BMPR2: variants seen among roughly 807,000 people sequenced by gnomAD.
BMPR2 encodes bone morphogenetic protein receptor type-2.
BMPR2 carries 29 observed loss-of-function variants against 100.8 expected under a neutral mutation model. The observed-to-expected ratio is 0.29, with a 90% CI of 0.21 to 0.39. BMPR2 has a LOEUF of 0.39. Ranked by LOEUF, BMPR2 falls within the 10% of genes least tolerant of loss-of-function variation. BMPR2 has a pLI of 1.00. For missense variants in BMPR2, 1,011 were observed against 1,274.5 expected, an observed-to-expected ratio of 0.79 and a Z score of 3.15; for synonymous variants, 382 against 442.3, an observed-to-expected ratio of 0.86 and a Z score of 1.71.
chr2:202,539,956 A>G (rs185227424), intron 9 of BMPR2, among the ~76,000 whole-genome samples: 30 of 152,294 alleles, frequency 2.0e-4, no homozygotes, highest in South Asian at 1.4e-3. Flanking sequence ...AGGAAATCCA[A>G]TAAGGTTATT....
At position 202,456,156 on chromosome 2, in the gene BMPR2, G is replaced by C. The variant is rs1052712458; in HGVS notation, c.77-8653G>C. On this transcript the variant is annotated intron_variant, in intron 1 of 12. Coordinates refer to ENST00000374580, the MANE Select transcript of BMPR2 (RefSeq NM_001204.7). ...CAGATCTCATCACAAAGGACACTAT[G>C]TTTTTTTGTTTGTTTGTTTGTTTTT... 2.9e-5 allele frequency among the ~76,000 whole-genome samples: 4 copies of C among 138,636 alleles called. No homozygotes were observed. The Admixed American group carries it at 3.0e-4, about 10-fold the overall frequency. The allele number at this position is 138,636 out of a possible 152,430, so 91.0% of individuals were successfully genotyped here. A position where few individuals can be genotyped will look rare whatever the true frequency, so the allele number is the denominator to read the frequency against.
intron 1 of BMPR2, among the ~76,000 whole-genome samples, chr2:202,452,250 A>G (rs771090678): frequency 4.6e-5 from 7 of 152,308 alleles, no homozygotes; most frequent in Admixed American, 2.0e-4. Context: ...AATGGAATCT[A>G]TATGCACTTG....
intron 9 of BMPR2, among the ~76,000 whole-genome samples, chr2:202,535,944 C>T (rs1264589060): frequency 4.6e-5 from 7 of 151,680 alleles, no homozygotes; most frequent in East Asian, 1.9e-4. Flanking sequence ...CGTGGCGGCG[C>T]GTGCCTGCAA....
rs147313403 is a variant in BMPR2 at position 202,430,916 on chromosome 2, G to A, written c.77-33893G>A. 2.3e-3 allele frequency among the ~76,000 whole-genome samples: 349 copies of A among 148,862 alleles called. 28 individuals carry two copies. Among genetic ancestry groups the A allele is most frequent in the African/African-American group, 8.4e-3 (326 of 38,920 alleles). On this transcript the variant is annotated intron_variant, in intron 1 of 12. Coordinates refer to ENST00000374580, the MANE Select transcript of BMPR2 (RefSeq NM_001204.7). ...GGAGGTTGCAGTGAGCTGAGATCAC[G>A]CCATTGCACTCCAGTCTGGGCAACA...
chr2:202,473,680 A>G (rs577313596), intron 3 of BMPR2, among the ~76,000 whole-genome samples: 6 of 151,910 alleles, frequency 3.9e-5, no homozygotes, highest in African/African-American at 1.2e-4. Flanking sequence ...AATCCCACCT[A>G]TTCGGGAGGC....
intron 1 of BMPR2, among the ~76,000 whole-genome samples, chr2:202,424,724 C>G (rs958968084): frequency 6.6e-6 from 1 of 151,832 alleles, no homozygotes; most frequent in African/African-American, 2.4e-5. Context: ...AAGCTGTGGA[C>G]CTAAGGAATA....
chr2:202,464,159 CAA>C (rs71406983), intron 1 of BMPR2, among the ~76,000 whole-genome samples: 26 of 62,944 alleles, frequency 4.1e-4, no homozygotes, highest in Non-Finnish European at 5.4e-4. Flanking sequence ...AACTCTGTCT[CAA>C]AAAAAAAAAA....
intron 3 of BMPR2, among the ~76,000 whole-genome samples, chr2:202,511,127 A>AC (rs987486823): frequency 4.6e-5 from 7 of 151,978 alleles, no homozygotes; most frequent in African/African-American, 1.7e-4. Flanking sequence ...CACAAGGGAA[A>AC]CCCTGTATCT....
At chr2:202,448,924 GGTGT>G (rs55680029) in intron 1 of BMPR2, among the ~76,000 whole-genome samples, 6,755 of 142,850 alleles carry the variant, frequency 0.047, 158 homozygotes, top group East Asian at 0.07. Context: ...GTTTAGAATT[GGTGT>G]GTGTGTGTGT....
chr2:202,399,848 A>G (rs546742654), intron 1 of BMPR2, among the ~76,000 whole-genome samples: 2 of 152,248 alleles, frequency 1.3e-5, no homozygotes, highest in Non-Finnish European at 2.9e-5. Context: ...TTGATGGCCA[A>G]TGCCTATAAT....
intron 1 of BMPR2, among the ~76,000 whole-genome samples, chr2:202,462,626 G>A (rs558466913): frequency 7.8e-4 from 118 of 150,678 alleles, no homozygotes; most frequent in Middle Eastern, 3.4e-3. Flanking sequence ...AAACCACCCC[G>A]TACCTTTTTT....
intron 1 of BMPR2, among the ~76,000 whole-genome samples, chr2:202,450,357 A>G (rs778059323): frequency 3.9e-4 from 60 of 152,288 alleles, no homozygotes; most frequent in South Asian, 8.3e-4. Context: ...AAATTAAGGG[A>G]TGAATATTTT....
At chr2:202,493,772 G>A (rs899021021) in intron 3 of BMPR2, among the ~76,000 whole-genome samples, 3 of 151,980 alleles carry the variant, frequency 2.0e-5, no homozygotes, top group African/African-American at 4.8e-5. Flanking sequence ...TGGCGGGGGT[G>A]GAATTTAACT....
chr2:202,421,932 T>G (rs76891186), intron 1 of BMPR2, among the ~76,000 whole-genome samples: 5,250 of 152,216 alleles, frequency 0.034, 305 homozygotes, highest in African/African-American at 0.12. Context: ...TGTTTTGAGA[T>G]GGAGTCTCGC....
chr2:202,378,618 G>T (rs1040021350), intron 1 of BMPR2, among the ~76,000 whole-genome samples: 7 of 152,114 alleles, frequency 4.6e-5, no homozygotes, highest in Admixed American at 3.3e-4. Flanking sequence ...TTCCTTTTAT[G>T]CTTTTGCTAT....
At position 202,493,887 on chromosome 2, in the gene BMPR2, T is replaced by C. The variant is rs78501676; in HGVS notation, c.419-19832T>C. Among the ~76,000 whole-genome samples, 440 of 152,322 alleles carry C rather than the reference T, an allele frequency of 2.9e-3. 2 individuals carry two copies. The highest frequency in any genetic ancestry group is 5.6e-3 in the Non-Finnish European group (379 of 68,020). The stretch of plus-strand genomic sequence containing the variant: ...AGCCAAGTATGGGCTATTTTTTTTG[T>C]TGTTATTTTTTGCTTTTTCTTCCAA... On this transcript the variant is annotated intron_variant, in intron 3 of 12. Coordinates refer to ENST00000374580, the MANE Select transcript of BMPR2 (RefSeq NM_001204.7).
chr2:202,483,691 C>T (rs1483734090), intron 3 of BMPR2, among the ~76,000 whole-genome samples: 3 of 152,162 alleles, frequency 2.0e-5, no homozygotes, highest in Non-Finnish European at 4.4e-5. Context: ...GCATGAGCCA[C>T]CACGCCCAGC....
At chr2:202,558,081 G>T (rs1688612261) in intron 12 of BMPR2, among the ~76,000 whole-genome samples, 1 of 152,126 alleles carries the variant, frequency 6.6e-6, no homozygotes, top group South Asian at 2.1e-4. Context: ...TGCTGTGGAA[G>T]ACTGAGGTGG....
At chr2:202,553,018 T>G (rs1179613591) in intron 11 of BMPR2, 130 bp downstream of exon 11, 1 of 1,224,498 alleles carries the variant, frequency 8.2e-7, no homozygotes, top group Non-Finnish European at 1.2e-6. Context: ...AAAGTTATCA[T>G]TTTTCTTTCA....
Sources: allele counts gnomAD v4.1 joint callset (sites outside exome capture counted in the v4.1 genomes callset), GRCh38; gene constraint gnomAD v4.1.1; transcripts MANE v1.5; gene names NCBI Gene and HGNC (gene_info 2026-07-23, HGNC 2026-07-21).